Variants in DLG2 observed in about 807,000 individuals in gnomAD.
DLG2 encodes the protein discs large MAGUK scaffold protein 2.
Under a neutral mutation model 132.5 loss-of-function variants are expected in DLG2, and 45 were observed. The observed-to-expected ratio is 0.34, with a 90% CI of 0.27 to 0.44. DLG2 has a LOEUF of 0.44. Among genes scored for constraint, DLG2 ranks in the 20% least tolerant of loss-of-function variants. The pLI, the probability that DLG2 is intolerant of heterozygous loss-of-function variation, is 1.00. For synonymous variants in DLG2, 424 were observed against 419.6 expected, an observed-to-expected ratio of 1.01 and a Z score of -0.13; for missense variants, 1,045 against 1,196.9, an observed-to-expected ratio of 0.87 and a Z score of 1.87.
chr11:84,735,837 T>A (rs1434952177), intron 6 of DLG2, among the ~76,000 whole-genome samples: 1 of 152,076 alleles, frequency 6.6e-6, no homozygotes, highest in Non-Finnish European at 1.5e-5. Context: ...ATGTTGCATA[T>A]AGTTTTTCAC....
chr11:85,291,374 C>A (rs951590182), intron 3 of DLG2, among the ~76,000 whole-genome samples: 12 of 151,964 alleles, frequency 7.9e-5, no homozygotes, highest in African/African-American at 2.9e-4. Flanking sequence ...TGGGGAATGT[C>A]TTTTTGCACT....
rs540401083 is a variant in DLG2 at position 85,126,107 on chromosome 11, T to C, written c.283-14372A>G. ...AATGGAAGTCGCCGAAACCAAAACA[T>C]GGTTGACACCTTCAAAGAACGGCGG... On this transcript the variant is annotated intron_variant, in intron 5 of 27. Coordinates refer to ENST00000376104, the MANE Select transcript of DLG2 (RefSeq NM_001142699.3). Among the ~76,000 whole-genome samples, 4 of 152,284 alleles carry C rather than the reference T, an allele frequency of 2.6e-5. No homozygotes were observed. The South Asian group carries it at 8.3e-4, about 32-fold the overall frequency.
At chr11:83,611,859 T>C (rs1046489371) in intron 19 of DLG2, among the ~76,000 whole-genome samples, 1 of 152,204 alleles carries the variant, frequency 6.6e-6, no homozygotes, top group Non-Finnish European at 1.5e-5. Flanking sequence ...TCAAAGATCA[T>C]TTCTTTCTGC....
rs1555630792 is a variant in DLG2 at position 84,502,186 on chromosome 11, T to TTCTCTCTC, written c.519+32376_519+32383dup. On this transcript the variant is annotated intron_variant, in intron 7 of 27. Transcript: ENST00000376104. ...TCTCTCTCTCTCTCTTTCTCTCTCT[T>TTCTCTCTC]TCTCTCTCTCTCTCTCCTTCCTTCC... Among the ~76,000 whole-genome samples, 65 of 12,880 alleles carry TTCTCTCTC rather than the reference T, an allele frequency of 5.0e-3. 17 individuals carry two copies. The highest frequency in any genetic ancestry group is 7.3e-3 in the East Asian group (6 of 820). The allele number at this position is 12,880 out of a possible 152,430, so 8.4% of individuals were successfully genotyped here.
At chr11:83,536,923 T>C (rs1369467752) in intron 20 of DLG2, among the ~76,000 whole-genome samples, 13 of 152,188 alleles carry the variant, frequency 8.5e-5, no homozygotes, top group Non-Finnish European at 1.5e-4. Context: ...CTTTTTCTTA[T>C]TGTTTTACTG....
At chr11:85,011,738 T>A in intron 6 of DLG2, among the ~76,000 whole-genome samples, 1 of 152,170 alleles carries the variant, frequency 6.6e-6, no homozygotes, top group East Asian at 1.9e-4. Context: ...TATTTTATAT[T>A]ATGCAAAGAT....
chr11:84,246,133 C>T (rs2097299534), intron 8 of DLG2, among the ~76,000 whole-genome samples: 1 of 152,248 alleles, frequency 6.6e-6, no homozygotes. Context: ...ACCCCACTCA[C>T]CCACTTATTC....
Position 85,500,156 on chromosome 11 carries a change from G to A in DLG2, c.40+98501C>T, listed in dbSNP as rs1048971210. 2.0e-5 allele frequency among the ~76,000 whole-genome samples: 3 copies of A among 152,082 alleles called. 1 individual carries two copies. The highest frequency in any genetic ancestry group is 2.0e-4 in the Admixed American group (3 of 15,256). On this transcript the variant is annotated intron_variant, in intron 3 of 27. Transcript: ENST00000376104. ...AAATAGGAAGAGAGGAAGTCAAATT[G>A]TCTCCCTTTGCAGATGACATGATTG...
intron 5 of DLG2, among the ~76,000 whole-genome samples, chr11:85,136,243 T>C (rs547972045): frequency 6.6e-6 from 1 of 152,230 alleles, no homozygotes; most frequent in Non-Finnish European, 1.5e-5. Flanking sequence ...ACAATATGTA[T>C]GTTATATATT....
At chr11:85,132,520 A>G (rs1212212669) in intron 5 of DLG2, among the ~76,000 whole-genome samples, 1 of 152,194 alleles carries the variant, frequency 6.6e-6, no homozygotes, top group African/African-American at 2.4e-5. Flanking sequence ...ATAAAAAAAA[A>G]ACAAAAAACA....
chr11:84,482,759 T>C (rs1403012882), intron 7 of DLG2, among the ~76,000 whole-genome samples: 1 of 152,218 alleles, frequency 6.6e-6, no homozygotes, highest in African/African-American at 2.4e-5. Flanking sequence ...AAATATTATC[T>C]TATTCCTAGT....
In DLG2 at chr11:85,471,780, C is replaced by A. The variant is rs574675597; in HGVS notation, c.40+126877G>T. Among the ~76,000 whole-genome samples, 3 of 152,120 alleles carry A rather than the reference C, an allele frequency of 2.0e-5. No individual in the cohort carries two copies. In the South Asian group the frequency reaches 6.2e-4, roughly 32 times the overall value. On this transcript the variant is annotated intron_variant, in intron 3 of 27. Transcript: ENST00000376104. ...GCAACAATATGAGAGAAGCAATAAT[C>A]AATGAGCTAAAGGAAGAAAATTTTT...
chr11:84,871,715 A>G (rs987317454), intron 6 of DLG2, among the ~76,000 whole-genome samples: 4 of 151,160 alleles, frequency 2.6e-5, no homozygotes, highest in Admixed American at 6.6e-5. Context: ...TTCATTGTTT[A>G]TTTATTTATT....
chr11:85,562,666 G>T lies in DLG2; in HGVS notation c.40+35991C>A, dbSNP rs2077320490. Among the ~76,000 whole-genome samples the T allele has an allele frequency of 2.0e-5, 3 of 151,506 alleles. 1 individual carries two copies. Among genetic ancestry groups the T allele is most frequent in the Non-Finnish European group, 4.4e-5 (3 of 67,746 alleles). Reference sequence around the variant, plus strand: ...AATTGCTTTTCTCCAGTTCAAAAATGGCCTTGTCTCATGCCTTTCATCAAA... The same window carrying T: ...AATTGCTTTTCTCCAGTTCAAAAATTGCCTTGTCTCATGCCTTTCATCAAA... On this transcript the variant is annotated intron_variant, in intron 3 of 27. Transcript: ENST00000376104.
intron 6 of DLG2, among the ~76,000 whole-genome samples, chr11:84,697,219 T>G (rs575062317): frequency 6.6e-6 from 1 of 151,460 alleles, no homozygotes; most frequent in Non-Finnish European, 1.5e-5. Flanking sequence ...AAAAGGAACA[T>G]AGTACTGTTT....
intron 16 of DLG2, among the ~76,000 whole-genome samples, chr11:83,844,547 C>CAAA (rs59755957): frequency 0.04 from 2,859 of 70,618 alleles, 165 homozygotes; most frequent in South Asian, 0.075. Flanking sequence ...GAGTCTGTAT[C>CAAA]AAAAAAAAAA....
chr11:85,016,200 T>C (rs1405156226), intron 6 of DLG2, among the ~76,000 whole-genome samples: 1 of 152,094 alleles, frequency 6.6e-6, no homozygotes, highest in Non-Finnish European at 1.5e-5. Context: ...ATTGTGTATG[T>C]TTCTCTTTTG....
intron 3 of DLG2, among the ~76,000 whole-genome samples, chr11:85,370,785 C>G (rs1195641118): frequency 6.6e-6 from 1 of 152,146 alleles, no homozygotes; most frequent in East Asian, 1.9e-4. Flanking sequence ...GAGAGGTAAA[C>G]AGGATTATTT....
At chr11:85,628,115 CG>C (rs761172283), upstream of DLG2, among the ~76,000 whole-genome samples, 12 of 152,090 alleles carry the variant, frequency 7.9e-5, no homozygotes, top group Non-Finnish European at 1.6e-4. Flanking sequence ...GGAGGCTAGT[CG>C]GGGCTGCTCT....
Sources: gnomAD v4.1 joint callset for allele counts (sites outside exome capture counted in the v4.1 genomes callset) on GRCh38, gnomAD v4.1.1 for gene constraint, MANE v1.5 for transcripts, NCBI Gene and HGNC (gene_info 2026-07-23, HGNC 2026-07-21) for gene names.